The following CNTN1 variants were observed in gnomAD, a reference collection of about 807,000 sequenced individuals.
The protein encoded by CNTN1 is contactin 1.
CNTN1 carries 38 observed loss-of-function variants against 126.4 expected under a neutral mutation model. The ratio of observed to expected loss-of-function variants is 0.30; its 90% CI spans 0.23 to 0.39. CNTN1 has a LOEUF of 0.39. Ranked by LOEUF, CNTN1 falls within the 10% of genes least tolerant of loss-of-function variation. The pLI, the probability that CNTN1 is intolerant of heterozygous loss-of-function variation, is 1.00. For synonymous variants in CNTN1, 413 were observed against 422.6 expected, an observed-to-expected ratio of 0.98 and a Z score of 0.28; for missense variants, 1,009 against 1,248.4, an observed-to-expected ratio of 0.81 and a Z score of 2.89.
intron 1 of CNTN1, among the ~76,000 whole-genome samples, chr12:40,879,161 G>A (rs947993844): frequency 3.9e-5 from 6 of 151,914 alleles, no homozygotes; most frequent in African/African-American, 1.5e-4. Context: ...AAATTTTAAG[G>A]CACCATGATG....
At chr12:41,014,354 A>C in intron 18 of CNTN1, 56 bp downstream of exon 18, 2 of 1,554,768 alleles carry the variant, frequency 1.3e-6, no homozygotes, top group Non-Finnish European at 1.8e-6. Context: ...TTTAACTTCC[A>C]CCCCATTTTG....
chr12:40,705,510 A>T (rs1315316585), intron 1 of CNTN1, among the ~76,000 whole-genome samples: 1 of 152,044 alleles, frequency 6.6e-6, no homozygotes, highest in Non-Finnish European at 1.5e-5. Context: ...TAGGTTTTAG[A>T]ATTCTGGGCA....
Position 41,070,014 on chromosome 12 carries a change from C to T in CNTN1, c.3036C>T (p.Ile1012=). Reference sequence around the variant, plus strand: ...GCTTACTGCTGCCTGCCTTTGGCATCCTTGTCTACTTGGAATTCTGAATGT... The same window carrying T: ...GCTTACTGCTGCCTGCCTTTGGCATTCTTGTCTACTTGGAATTCTGAATGT... ...LLGLLLPAFG[I]LVYLEF Residue 1012 remains isoleucine (I), a synonymous_variant, in exon 24 of 24, where the codon ATC becomes ATT. Coordinates refer to ENST00000551295, the MANE Select transcript of CNTN1 (RefSeq NM_001843.4). 2.5e-6 allele frequency: 4 copies of T among 1,614,064 alleles called. No individual in the cohort carries two copies. Among genetic ancestry groups the T allele is most frequent in the Non-Finnish European group, 3.4e-6 (4 of 1,179,988 alleles).
intron 23 of CNTN1, among the ~76,000 whole-genome samples, chr12:41,029,565 C>T (rs534159581): frequency 6.6e-6 from 1 of 152,230 alleles, no homozygotes; most frequent in South Asian, 2.1e-4. Flanking sequence ...ATCAAATCTT[C>T]ATGTTGTTCA....
chr12:40,925,117 G>A (rs1157697821), intron 6 of CNTN1, among the ~76,000 whole-genome samples: 1 of 151,576 alleles, frequency 6.6e-6, no homozygotes, highest in East Asian at 1.9e-4. Context: ...CAATCAGCAA[G>A]AATAATCATC....
chr12:40,956,849 A>G (rs1365329409), intron 14 of CNTN1, among the ~76,000 whole-genome samples: 1 of 152,072 alleles, frequency 6.6e-6, no homozygotes, highest in Non-Finnish European at 1.5e-5. Context: ...TAACCAATAG[A>G]GGAAAGAATA....
At chr12:40,759,277 A>C (rs1262270102) in intron 1 of CNTN1, among the ~76,000 whole-genome samples, 2 of 152,182 alleles carry the variant, frequency 1.3e-5, no homozygotes, top group Admixed American at 1.3e-4. Context: ...TGGAGGATTG[A>C]AACTTGCTTA....
rs1175762683 is a variant in CNTN1 at position 40,984,127 on chromosome 12, A to G, written c.1963+3060A>G. Among the ~76,000 whole-genome samples the G allele has an allele frequency of 2.0e-5, 3 of 151,054 alleles. No homozygotes were observed. The East Asian group carries it at 5.8e-4, about 29-fold the overall frequency. ...CAGTGAAATATATATAAATATATATATTACATCTCTATATGTCACAAACCC... is the reference window on the plus strand; with the variant it reads ...CAGTGAAATATATATAAATATATATGTTACATCTCTATATGTCACAAACCC... On this transcript the variant is annotated intron_variant, in intron 16 of 23. Transcript: ENST00000551295.
At chr12:40,738,905 C>T (rs1015092586) in intron 1 of CNTN1, among the ~76,000 whole-genome samples, 47 of 152,118 alleles carry the variant, frequency 3.1e-4, no homozygotes, top group African/African-American at 1.1e-3. Context: ...ATATTTAGTA[C>T]CATAGAAGAT....
chr12:40,719,919 G>A (rs1344740246), intron 1 of CNTN1, among the ~76,000 whole-genome samples: 1 of 151,884 alleles, frequency 6.6e-6, no homozygotes, highest in African/African-American at 2.4e-5. Context: ...CTCACTGCAA[G>A]CTCCGCCTCC....
intron 23 of CNTN1, among the ~76,000 whole-genome samples, chr12:41,035,314 G>T (rs1949232804): frequency 6.6e-6 from 1 of 152,146 alleles, no homozygotes; most frequent in Non-Finnish European, 1.5e-5. Flanking sequence ...TTAGCCTCCA[G>T]AGTTATATTT....
At chr12:40,865,361 AT>A (rs1297549199) in intron 1 of CNTN1, among the ~76,000 whole-genome samples, 5 of 152,032 alleles carry the variant, frequency 3.3e-5, no homozygotes, top group African/African-American at 1.2e-4. Flanking sequence ...ATGAAGTCTA[AT>A]TCTATTTTTG....
At chr12:40,891,333 T>C (rs772111334) in intron 1 of CNTN1, among the ~76,000 whole-genome samples, 5 of 152,302 alleles carry the variant, frequency 3.3e-5, no homozygotes, top group South Asian at 2.1e-4. Flanking sequence ...CTCTTGACCG[T>C]GTCTTTTGCA....
intron 1 of CNTN1, among the ~76,000 whole-genome samples, chr12:40,896,290 T>C (rs993613070): frequency 2.0e-5 from 3 of 152,166 alleles, no homozygotes; most frequent in Non-Finnish European, 2.9e-5. Flanking sequence ...GTATAAGGTA[T>C]GTTTTTTTTT....
chr12:40,719,129 G>C (rs1050410889), intron 1 of CNTN1, among the ~76,000 whole-genome samples: 25 of 152,164 alleles, frequency 1.6e-4, no homozygotes, highest in African/African-American at 5.5e-4. Context: ...CCTTGAACAA[G>C]TGTTGCCCAT....
intron 17 of CNTN1, among the ~76,000 whole-genome samples, chr12:41,007,044 G>GT (rs1377932314): frequency 1.5e-4 from 19 of 123,488 alleles, no homozygotes; most frequent in East Asian, 5.2e-4. Flanking sequence ...AGTTTTGTGT[G>GT]GTTTTTTTTT....
At chr12:40,983,989 T>C (rs2120412429) in intron 16 of CNTN1, among the ~76,000 whole-genome samples, 1 of 144,630 alleles carries the variant, frequency 6.9e-6, no homozygotes, top group African/African-American at 2.5e-5. Flanking sequence ...ATATATGATA[T>C]TAATATTTAG....
At chr12:40,965,889 T>C (rs1005157419) in intron 15 of CNTN1, among the ~76,000 whole-genome samples, 3 of 152,084 alleles carry the variant, frequency 2.0e-5, no homozygotes, top group African/African-American at 4.8e-5. Context: ...AAAAGGACTT[T>C]TAAATTAAGC....
intron 1 of CNTN1, among the ~76,000 whole-genome samples, chr12:40,829,803 C>G (rs1437605491): frequency 6.6e-6 from 1 of 152,122 alleles, no homozygotes; most frequent in African/African-American, 2.4e-5. Flanking sequence ...GTGTTCAGTT[C>G]TGCTGAAATG....
Sources: allele counts gnomAD v4.1 joint callset (sites outside exome capture counted in the v4.1 genomes callset), GRCh38; gene constraint gnomAD v4.1.1; transcripts MANE v1.5; gene names NCBI Gene and HGNC (gene_info 2026-07-23, HGNC 2026-07-21).